The following KCNIP1 variants were observed in gnomAD, a reference collection of about 807,000 sequenced individuals.
KCNIP1 encodes the protein A-type potassium channel modulatory protein KCNIP1.
In KCNIP1, 18 loss-of-function variants were observed where a neutral mutation model predicts 33.0. The observed-to-expected ratio is 0.55, with a 90% CI of 0.38 to 0.81. The LOEUF (loss-of-function observed/expected upper bound fraction) is 0.81, where lower values mean the gene tolerates loss of function less well. KCNIP1 is among the 30% of genes least tolerant of loss of function. KCNIP1 has a pLI of 0.00. For synonymous variants in KCNIP1, 93 were observed against 98.3 expected, an observed-to-expected ratio of 0.95 and a Z score of 0.32; for missense variants, 238 against 271.6, an observed-to-expected ratio of 0.88 and a Z score of 0.87.
chr5:170,544,218 GCCTAA>G (rs1459979627), intron 1 of KCNIP1, among the ~76,000 whole-genome samples: 3 of 152,006 alleles, frequency 2.0e-5, no homozygotes, highest in African/African-American at 7.3e-5. Context: ...TTCTAGACCA[GCCTAA>G]CCATCATGGC....
intron 1 of KCNIP1, among the ~76,000 whole-genome samples, chr5:170,468,575 T>C (rs978727949): frequency 1.3e-5 from 2 of 152,152 alleles, no homozygotes; most frequent in African/African-American, 4.8e-5. Context: ...TAATAGTTTT[T>C]TTATTATTTA....
intron 1 of KCNIP1, among the ~76,000 whole-genome samples, chr5:170,395,659 T>G (rs1183335395): frequency 6.6e-6 from 1 of 152,122 alleles, no homozygotes; most frequent in African/African-American, 2.4e-5. Context: ...GATGGCAACA[T>G]CATAGAAGTG....
rs754545666 is a variant in KCNIP1, at chr5:170,489,357, G to A, written c.88+135393G>A. Among the ~76,000 whole-genome samples the A allele has an allele frequency of 6.6e-6, 1 of 152,224 alleles. No homozygotes were observed. Among genetic ancestry groups the A allele is most frequent in the Admixed American group, 6.5e-5 (1 of 15,286 alleles). On this transcript the variant is annotated intron_variant, in intron 1 of 7. Transcript: ENST00000377360. The surrounding 1 kb of genome is among the most constrained non-coding windows in gnomAD (Gnocchi z 4.3). ...GAAGGAATGAGACTGTCTGGTTGCC[G>A]CTAGACTTTGGCCAGGGCTGTCCTG...
At chr5:170,387,714 TGG>T (rs1438555383) in intron 1 of KCNIP1, among the ~76,000 whole-genome samples, 2 of 152,198 alleles carry the variant, frequency 1.3e-5, no homozygotes, top group Non-Finnish European at 2.9e-5. Context: ...CTTGTGGGAA[TGG>T]GAGAGCCCAT....
At chr5:170,584,335 G>A (rs1757907633) in intron 1 of KCNIP1, among the ~76,000 whole-genome samples, 1 of 152,202 alleles carries the variant, frequency 6.6e-6, no homozygotes, top group Non-Finnish European at 1.5e-5. Context: ...GCTTAGAGAA[G>A]GGGATTGGAG....
chr5:170,356,197 T>C (rs1238383132), intron 1 of KCNIP1, among the ~76,000 whole-genome samples: 6 of 152,258 alleles, frequency 3.9e-5, no homozygotes, highest in African/African-American at 1.4e-4. Context: ...TAATGATTTC[T>C]GATTTTAATT....
At chr5:170,547,313 T>C (rs1171865532) in intron 1 of KCNIP1, among the ~76,000 whole-genome samples, 1 of 152,244 alleles carries the variant, frequency 6.6e-6, no homozygotes, top group Non-Finnish European at 1.5e-5. Flanking sequence ...GTTTACTAAT[T>C]GTCTCCTTAG....
intron 1 of KCNIP1, among the ~76,000 whole-genome samples, chr5:170,664,177 G>A (rs936737078): frequency 6.6e-6 from 1 of 152,042 alleles, no homozygotes; most frequent in Non-Finnish European, 1.5e-5. Flanking sequence ...AAACCAATGG[G>A]CTCCTCTTCC....
intron 1 of KCNIP1, chr5:170,377,469 A>G (rs966605447): frequency 7.9e-5 from 12 of 152,224 alleles, no homozygotes; most frequent in African/African-American, 2.9e-4. Flanking sequence ...AATCTGAGAT[A>G]GGCTTCCCCA....
At chr5:170,641,652 G>A (rs28558335) in intron 1 of KCNIP1, among the ~76,000 whole-genome samples, 1 of 152,146 alleles carries the variant, frequency 6.6e-6, no homozygotes, top group African/African-American at 2.4e-5. Context: ...CTTGGTTGGG[G>A]GAGGCAAAGG....
intron 1 of KCNIP1, among the ~76,000 whole-genome samples, chr5:170,519,687 A>G (rs1011443819): frequency 6.6e-6 from 1 of 152,160 alleles, no homozygotes; most frequent in East Asian, 1.9e-4. Context: ...TTATCTGTCT[A>G]TGGAGTTGAT....
intron 7 of KCNIP1, among the ~76,000 whole-genome samples, chr5:170,735,528 C>T (rs888706393): frequency 2.0e-5 from 3 of 152,200 alleles, no homozygotes; most frequent in African/African-American, 7.2e-5. Flanking sequence ...AAGCAACTCA[C>T]TATTTTACTA....
rs141958245 is a variant in KCNIP1, at chr5:170,504,557, T to C, written c.-16T>C. On this transcript the variant is annotated 5_prime_UTR_variant, in exon 1 of 8. Coordinates refer to ENST00000328939, the MANE Select transcript of KCNIP1 (RefSeq NM_014592.4). This position sits in a 1 kb window ranked among gnomAD's most constrained non-coding sequence, Gnocchi z 6.0. ...CCGGGCCCGGGGTCCCAACTCGCAC[T>C]CAAGTCTTCGCTGCCATGGGGGCCG... 1 of 1,613,020 alleles carries C rather than the reference T, an allele frequency of 6.2e-7. No homozygotes were observed. Among genetic ancestry groups the C allele is most frequent in the Admixed American group, 1.7e-5 (1 of 60,006 alleles).
intron 1 of KCNIP1, among the ~76,000 whole-genome samples, chr5:170,537,940 C>T (rs933143246): frequency 6.6e-6 from 1 of 152,198 alleles, no homozygotes; most frequent in African/African-American, 2.4e-5. Flanking sequence ...GCAACTGTCC[C>T]GTCTGGCCAC....
At position 170,489,021 on chromosome 5, in the gene KCNIP1, G is replaced by A. The variant is rs183320042; in HGVS notation, c.88+135057G>A. ...CCAAGCAGGTAAGAGTACTGACCCC[G>A]AGCCCACTCGGGCTCTGAGCAGAAG... On this transcript the variant is annotated intron_variant, in intron 1 of 7. Transcript: ENST00000377360. The surrounding 1 kb of genome is among the most constrained non-coding windows in gnomAD (Gnocchi z 4.3). Among the ~76,000 whole-genome samples, 6 of 152,292 alleles carry A rather than the reference G, an allele frequency of 3.9e-5. No homozygotes were observed. The highest frequency in any genetic ancestry group is 9.6e-5 in the African/African-American group (4 of 41,566).
intron 4 of KCNIP1, among the ~76,000 whole-genome samples, chr5:170,722,109 A>T (rs1677249059): frequency 6.6e-6 from 1 of 152,184 alleles, no homozygotes; most frequent in African/African-American, 2.4e-5. Flanking sequence ...GACTCAGGGG[A>T]CTAATAACAA....
chr5:170,461,414 T>C (rs1362166905), intron 1 of KCNIP1, among the ~76,000 whole-genome samples: 2 of 152,056 alleles, frequency 1.3e-5, no homozygotes, highest in African/African-American at 4.8e-5. Flanking sequence ...CAAACTATAC[T>C]ATAAGGCCAT....
At chr5:170,521,882 CCTT>C (rs1434754265) in intron 1 of KCNIP1, among the ~76,000 whole-genome samples, 1 of 152,190 alleles carries the variant, frequency 6.6e-6, no homozygotes, top group Non-Finnish European at 1.5e-5. Context: ...GGGCCAGTAG[CCTT>C]CTTCCATGTA....
chr5:170,387,726 T>C (rs1439982310), intron 1 of KCNIP1, among the ~76,000 whole-genome samples: 4 of 152,222 alleles, frequency 2.6e-5, no homozygotes. Context: ...GGAGAGCCCA[T>C]GCCTTTTTCT....
Sources: allele counts gnomAD v4.1 joint callset (sites outside exome capture counted in the v4.1 genomes callset), GRCh38; gene constraint gnomAD v4.1.1; non-coding constraint Gnocchi (gnomAD v3.1); transcripts MANE v1.5; gene names NCBI Gene and HGNC (gene_info 2026-07-23, HGNC 2026-07-21).